Variants in CMSS1 observed in about 807,000 individuals in gnomAD.
The protein encoded by CMSS1 is protein CMSS1.
Under a neutral mutation model 43.5 loss-of-function variants are expected in CMSS1, and 33 were observed. The ratio of observed to expected loss-of-function variants is 0.76; its 90% CI spans 0.57 to 1.01. The LOEUF (loss-of-function observed/expected upper bound fraction) is 1.01. CMSS1 is among the 50% of genes least tolerant of loss of function. The probability of loss-of-function intolerance (pLI) is 0.00; values close to 1 mark genes in which losing one functional copy is unlikely to be tolerated. For missense variants in CMSS1, 313 were observed against 326.4 expected (o/e 0.96, Z 0.32); for synonymous variants, 115 against 117.2 (o/e 0.98, Z 0.12).
chr3:100,147,205 A>G (rs1421439783), intron 2 of CMSS1, 144 bp downstream of exon 2: 1 of 750,518 alleles, frequency 1.3e-6, no homozygotes, highest in Non-Finnish European at 2.0e-6. Context: ...TGAAAAGGCC[A>G]TGGGCCATGC....
chr3:99,982,661 T>A lies in CMSS1; in HGVS notation c.65-164312T>A, dbSNP rs182288906. On this transcript the variant is annotated intron_variant, in intron 1 of 9. Coordinates refer to ENST00000421999, the MANE Select transcript of CMSS1 (RefSeq NM_032359.4). ...GCCTGGCCCATTCAGCTAACTTTTTTAAAGTATTTTTGAATCACTGAAGTG... is the reference window on the plus strand; with the variant it reads ...GCCTGGCCCATTCAGCTAACTTTTTAAAAGTATTTTTGAATCACTGAAGTG... Among the ~76,000 whole-genome samples the A allele has an allele frequency of 2.5e-3, 387 of 152,240 alleles. 1 individual carries two copies. The highest frequency in any genetic ancestry group is 8.6e-3 in the African/African-American group (357 of 41,544).
chr3:99,949,177 T>C (rs974187935), intron 1 of CMSS1, among the ~76,000 whole-genome samples: 1 of 152,200 alleles, frequency 6.6e-6, no homozygotes, highest in Non-Finnish European at 1.5e-5. Context: ...GATTTATTGT[T>C]AAGATTATAA....
chr3:100,037,995 G>C (rs138104354), intron 1 of CMSS1, among the ~76,000 whole-genome samples: 4 of 137,658 alleles, frequency 2.9e-5, no homozygotes, highest in Non-Finnish European at 6.0e-5. Context: ...TCGCTCTGTC[G>C]CCCAGGTGGA....
chr3:99,954,623 C>T (rs748285318), intron 1 of CMSS1, among the ~76,000 whole-genome samples: 3 of 152,004 alleles, frequency 2.0e-5, no homozygotes, highest in Admixed American at 1.3e-4. Flanking sequence ...GTCAGGAGTT[C>T]GAGACCAGCC....
chr3:99,887,428 C>T (rs1376152224), intron 1 of CMSS1, among the ~76,000 whole-genome samples: 2 of 152,160 alleles, frequency 1.3e-5, no homozygotes, highest in African/African-American at 4.8e-5. Context: ...TCTCATGGAG[C>T]AGAGCTGGGC....
rs150905154 is a variant in CMSS1 at position 100,177,091 on chromosome 3, G to A, written c.756+676G>A. On this transcript the variant is annotated intron_variant, in intron 9 of 9. Coordinates refer to ENST00000421999, the MANE Select transcript of CMSS1 (RefSeq NM_032359.4). Reference sequence around the variant, plus strand: ...CTGTTAGGAAAAAAAATGATTACCAGTCACTAACCAAGAACAAATCATGGC... The same window carrying A: ...CTGTTAGGAAAAAAAATGATTACCAATCACTAACCAAGAACAAATCATGGC... Among the ~76,000 whole-genome samples, 569 of 152,270 alleles carry A rather than the reference G, an allele frequency of 3.7e-3. 2 individuals are homozygous for A. The highest frequency in any genetic ancestry group is 0.013 in the African/African-American group (541 of 41,540).
intron 1 of CMSS1, among the ~76,000 whole-genome samples, chr3:99,864,462 A>C (rs1236836729): frequency 6.6e-6 from 1 of 152,200 alleles, no homozygotes; most frequent in Non-Finnish European, 1.5e-5. Flanking sequence ...ACAGAGGTTA[A>C]ATAATTTTCC....
At chr3:99,913,690 G>A (rs1242925620) in intron 1 of CMSS1, among the ~76,000 whole-genome samples, 1 of 152,166 alleles carries the variant, frequency 6.6e-6, no homozygotes, top group Non-Finnish European at 1.5e-5. Context: ...ACTATTCATG[G>A]TGGATTATCT....
intron 2 of CMSS1, among the ~76,000 whole-genome samples, chr3:100,155,788 A>G (rs1009121102): frequency 2.0e-5 from 3 of 152,218 alleles, no homozygotes; most frequent in African/African-American, 4.8e-5. Context: ...TTAATTTGCA[A>G]ATAAACTTTA....
intron 2 of CMSS1, among the ~76,000 whole-genome samples, chr3:100,150,893 T>C (rs1478618661): frequency 6.6e-6 from 1 of 152,222 alleles, no homozygotes; most frequent in African/African-American, 2.4e-5. Flanking sequence ...TGACTTTTCC[T>C]TGATGCTTCC....
chr3:100,158,713 T>G (rs905581186), intron 2 of CMSS1, among the ~76,000 whole-genome samples: 2 of 152,264 alleles, frequency 1.3e-5, no homozygotes, highest in African/African-American at 4.8e-5. Flanking sequence ...CAAGCATGTT[T>G]CGTTTTCCTG....
intron 1 of CMSS1, among the ~76,000 whole-genome samples, chr3:99,991,871 TAC>T (rs1273303758): frequency 6.7e-6 from 1 of 149,958 alleles, no homozygotes; most frequent in African/African-American, 2.5e-5. Flanking sequence ...TGTATATATA[TAC>T]ACACATATAT....
intron 1 of CMSS1, among the ~76,000 whole-genome samples, chr3:99,908,557 A>G (rs1038295802): frequency 2.0e-5 from 3 of 152,186 alleles, no homozygotes; most frequent in Non-Finnish European, 4.4e-5. Flanking sequence ...AAGAGCTCAG[A>G]TATGAGAGTC....
At chr3:100,008,427 A>C (rs566334877) in intron 1 of CMSS1, among the ~76,000 whole-genome samples, 1 of 152,288 alleles carries the variant, frequency 6.6e-6, no homozygotes, top group African/African-American at 2.4e-5. Flanking sequence ...GGTACCCTTC[A>C]TATAAGTGTT....
chr3:100,018,735 CA>C (rs61527233), intron 1 of CMSS1, among the ~76,000 whole-genome samples: 105,875 of 120,214 alleles, frequency 0.88, 46,217 homozygotes, highest in East Asian at 0.97. Flanking sequence ...TTCCGCATAG[CA>C]AAAAAAAAAA....
chr3:100,065,683 A>G (rs2873015), intron 1 of CMSS1, among the ~76,000 whole-genome samples: 232 of 102,562 alleles, frequency 2.3e-3, no homozygotes, highest in African/African-American at 6.8e-3. Context: ...TGCAAATGAC[A>G]CTTGATTTGT....
intron 1 of CMSS1, chr3:99,830,361 G>T: frequency 8.2e-6 from 3 of 365,608 alleles, no homozygotes; most frequent in South Asian, 6.1e-5. Flanking sequence ...GGTAATTTTA[G>T]CTTTCCACAT....
At position 100,024,515 on chromosome 3, in the gene CMSS1, G is replaced by A. The variant is rs141902553; in HGVS notation, c.65-122458G>A. Among the ~76,000 whole-genome samples the A allele has an allele frequency of 4.6e-3, 707 of 152,164 alleles. 2 individuals are homozygous for A. Among genetic ancestry groups the A allele is most frequent in the South Asian group, 7.3e-3 (35 of 4,822 alleles). ...ATCAGGTCTCCTTAGACTATTCAAT[G>A]TACCTTTCATAGGAAGCAACTGTTT... On this transcript the variant is annotated intron_variant, in intron 1 of 9. Coordinates refer to ENST00000421999, the MANE Select transcript of CMSS1 (RefSeq NM_032359.4).
chr3:100,094,601 T>G (rs1232423787), intron 1 of CMSS1, among the ~76,000 whole-genome samples: 3 of 151,584 alleles, frequency 2.0e-5, no homozygotes, highest in Non-Finnish European at 2.9e-5. Flanking sequence ...TTTAAGGTGG[T>G]AGACTTGAGT....
Sources: gnomAD v4.1 joint callset for allele counts (sites outside exome capture counted in the v4.1 genomes callset) on GRCh38, gnomAD v4.1.1 for gene constraint, MANE v1.5 for transcripts, NCBI Gene and HGNC (gene_info 2026-07-23, HGNC 2026-07-21) for gene names.